PCSK5: variants seen among roughly 807,000 people sequenced by gnomAD.
PCSK5 encodes the protein prohormone convertase 5.
In PCSK5, 129 loss-of-function variants were observed where a neutral mutation model predicts 233.2. The observed-to-expected ratio is 0.55, with a 90% confidence interval of 0.48 to 0.64. PCSK5 has a LOEUF of 0.64. PCSK5 is among the 30% of genes least tolerant of loss of function. The pLI, the probability that PCSK5 is intolerant of heterozygous loss-of-function variation, is 0.00. For synonymous variants in PCSK5, 825 were observed against 879.2 expected, an observed-to-expected ratio of 0.94 and a Z score of 1.09; for missense variants, 2,076 against 2,430.1, an observed-to-expected ratio of 0.85 and a Z score of 3.06.
At chr9:76,048,268 A>G (rs193126158) in intron 5 of PCSK5, among the ~76,000 whole-genome samples, 1 of 152,316 alleles carries the variant, frequency 6.6e-6, no homozygotes, top group African/African-American at 2.4e-5. Context: ...GGCACTGAAA[A>G]GGAGAGGGGT....
intron 1 of PCSK5, among the ~76,000 whole-genome samples, chr9:75,897,978 G>C (rs527891724): frequency 2.0e-5 from 3 of 152,210 alleles, no homozygotes; most frequent in South Asian, 4.1e-4. Context: ...GCAGATAAGC[G>C]TACTGGGAAT....
In PCSK5 at chr9:76,359,844, C is replaced by T. The variant is rs1256232359; in HGVS notation, c.*922C>T. On this transcript the variant is annotated 3_prime_UTR_variant, in exon 38 of 38. Coordinates refer to ENST00000674117, the MANE Select transcript of PCSK5 (RefSeq NM_001372043.1). The stretch of plus-strand genomic sequence containing the variant: ...CCTTCATCAACAACCCATCACAAAA[C>T]CGTGGACTCTCAATAGAAAGAGTTG... The T allele has an allele frequency of 1.3e-5, 2 of 152,096 alleles. No homozygotes were observed. The highest frequency in any genetic ancestry group is 2.9e-5 in the Non-Finnish European group (2 of 68,016). 9.4% of individuals were successfully genotyped at this position (152,096 alleles called of 1,614,324 possible).
intron 8 of PCSK5, among the ~76,000 whole-genome samples, chr9:76,106,266 C>T (rs10125705): frequency 0.02 from 2,989 of 152,316 alleles, 110 homozygotes; most frequent in African/African-American, 0.067. Context: ...GACTTCTATA[C>T]TCCCCCAGAG....
intron 14 of PCSK5, among the ~76,000 whole-genome samples, chr9:76,179,292 A>G (rs1479458553): frequency 6.6e-6 from 1 of 152,112 alleles, no homozygotes; most frequent in African/African-American, 2.4e-5. Context: ...TCCAGTTGCT[A>G]CAGTTCATTT....
intron 10 of PCSK5, among the ~76,000 whole-genome samples, chr9:76,148,912 A>C (rs1296351830): frequency 6.6e-6 from 1 of 152,204 alleles, no homozygotes; most frequent in Non-Finnish European, 1.5e-5. Flanking sequence ...GAGTAAATCC[A>C]GCCGTGCATT....
chr9:76,133,410 T>C (rs1822840069), intron 9 of PCSK5, among the ~76,000 whole-genome samples: 1 of 152,040 alleles, frequency 6.6e-6, no homozygotes, highest in Non-Finnish European at 1.5e-5. Flanking sequence ...AATGAAAGTA[T>C]CTCCTGCTCA....
chr9:76,223,473 G>T (rs1462704014), intron 20 of PCSK5, among the ~76,000 whole-genome samples: 1 of 152,192 alleles, frequency 6.6e-6, no homozygotes, highest in Admixed American at 6.5e-5. Context: ...TCAAGAGATG[G>T]AATAAGCACA....
intron 19 of PCSK5, 77 bp from the exon 20 acceptor site, chr9:76,189,554 A>G (rs1435435530): frequency 1.2e-6 from 1 of 862,652 alleles, no homozygotes; most frequent in Non-Finnish European, 1.9e-6. Context: ...AATGTAAGAC[A>G]TTATGAGGTT....
chr9:76,171,387 A>G (rs1823323807), intron 13 of PCSK5, among the ~76,000 whole-genome samples: 2 of 152,214 alleles, frequency 1.3e-5, no homozygotes, highest in South Asian at 4.1e-4. Flanking sequence ...ACACTGTCAA[A>G]TGTGGCAGTT....
chr9:76,161,417 G>T (rs146755577), intron 12 of PCSK5, among the ~76,000 whole-genome samples: 12 of 150,958 alleles, frequency 7.9e-5, no homozygotes, highest in African/African-American at 2.9e-4. Context: ...TGTGGTTACC[G>T]AAGCTAGGGA....
intron 9 of PCSK5, among the ~76,000 whole-genome samples, chr9:76,131,046 G>A (rs151148477): frequency 1.3e-5 from 2 of 152,192 alleles, no homozygotes; most frequent in East Asian, 3.9e-4. Context: ...GAGAGAAATA[G>A]GTATTAGGGA....
chr9:76,272,550 G>A (rs28545206), intron 24 of PCSK5, among the ~76,000 whole-genome samples: 6,372 of 151,774 alleles, frequency 0.042, 437 homozygotes, highest in African/African-American at 0.14. Flanking sequence ...TGAGACGGGC[G>A]GATCACGAGG....
intron 7 of PCSK5, among the ~76,000 whole-genome samples, chr9:76,072,249 C>T (rs1238654633): frequency 6.6e-6 from 1 of 152,198 alleles, no homozygotes; most frequent in Non-Finnish European, 1.5e-5. Context: ...AGCGTGAATA[C>T]ATTGCATAGT....
intron 9 of PCSK5, among the ~76,000 whole-genome samples, chr9:76,123,395 A>T (rs1587656751): frequency 6.6e-6 from 1 of 152,294 alleles, no homozygotes; most frequent in South Asian, 2.1e-4. Context: ...GATAGTTGTA[A>T]ATAAAGCCAT....
At chr9:76,345,486 T>G (rs1402453126) in intron 35 of PCSK5, among the ~76,000 whole-genome samples, 1 of 152,160 alleles carries the variant, frequency 6.6e-6, no homozygotes, top group Non-Finnish European at 1.5e-5. Flanking sequence ...TGGCGCAATC[T>G]TGGTTTACGG....
chr9:76,132,811 T>C (rs908546704), intron 9 of PCSK5, among the ~76,000 whole-genome samples: 1 of 152,034 alleles, frequency 6.6e-6, no homozygotes, highest in Non-Finnish European at 1.5e-5. Flanking sequence ...GAGGTTAATT[T>C]CACATGGAAA....
At chr9:76,024,765 G>T (rs1339856408) in intron 4 of PCSK5, among the ~76,000 whole-genome samples, 2 of 152,094 alleles carry the variant, frequency 1.3e-5, no homozygotes, top group Admixed American at 6.6e-5. Context: ...GTGCCCTCTC[G>T]GTTCTTCTTT....
At chr9:76,192,979 TAATC>T (rs1480504379) in intron 20 of PCSK5, among the ~76,000 whole-genome samples, 1 of 90,130 alleles carries the variant, frequency 1.1e-5, no homozygotes, top group African/African-American at 4.3e-5. Flanking sequence ...ATTCTTTTTC[TAATC>T]TTTTTTTTTT....
At chr9:76,065,247 T>C (rs1340904456) in intron 5 of PCSK5, among the ~76,000 whole-genome samples, 6 of 152,156 alleles carry the variant, frequency 3.9e-5, no homozygotes, top group African/African-American at 1.5e-4. Context: ...GCTATACTAA[T>C]TTACATTCCC....
Sources: gnomAD v4.1 joint callset for allele counts (sites outside exome capture counted in the v4.1 genomes callset) on GRCh38, gnomAD v4.1.1 for gene constraint, MANE v1.5 for transcripts, NCBI Gene and HGNC (gene_info 2026-07-23, HGNC 2026-07-21) for gene names.